Variants in RUBCNL observed in about 807,000 individuals in gnomAD.
The protein encoded by RUBCNL is rubicon like autophagy enhancer.
RUBCNL carries 62 observed loss-of-function variants against 69.5 expected under a neutral mutation model. The observed-to-expected ratio is 0.89, with a 90% CI of 0.73 to 1.10. The LOEUF (loss-of-function observed/expected upper bound fraction) is 1.10, where lower values mean the gene tolerates loss of function less well. Among genes scored for constraint, RUBCNL ranks in the 50% least tolerant of loss-of-function variants. RUBCNL has a pLI of 0.00. For synonymous variants in RUBCNL, 291 were observed against 303.6 expected, an observed-to-expected ratio of 0.96 and a Z score of 0.43; for missense variants, 768 against 798.1, an observed-to-expected ratio of 0.96 and a Z score of 0.45.
intron 9 of RUBCNL, 50 bp from the exon 10 acceptor site, chr13:46,356,546 C>T (rs1302190238): frequency 6.7e-7 from 1 of 1,489,442 alleles, no homozygotes; most frequent in Non-Finnish European, 9.3e-7. Flanking sequence ...GCCAATGGCA[C>T]ATTTTTCACT....
chr13:46,368,342 T>G, intron 4 of RUBCNL, 93 bp from the exon 5 acceptor site: 1 of 1,435,402 alleles, frequency 7.0e-7, no homozygotes, highest in South Asian at 1.3e-5. Context: ...TCTATTTAAG[T>G]GGAATTAATG....
chr13:46,359,007 G>A (rs917645285), intron 9 of RUBCNL, among the ~76,000 whole-genome samples: 4 of 152,036 alleles, frequency 2.6e-5, no homozygotes, highest in African/African-American at 9.7e-5. Context: ...GGCTGAGCGA[G>A]GTGGCTCACA....
chr13:46,360,068 A>T (rs2048577428), intron 8 of RUBCNL, among the ~76,000 whole-genome samples: 1 of 152,164 alleles, frequency 6.6e-6, no homozygotes. Context: ...CCGCTGAACC[A>T]CTGGACTTTC....
chr13:46,377,233 G>A (rs945345681), intron 2 of RUBCNL, among the ~76,000 whole-genome samples: 1 of 152,164 alleles, frequency 6.6e-6, no homozygotes, highest in African/African-American at 2.4e-5. Flanking sequence ...GTCTCAAATG[G>A]TAAAGCAGTA....
intron 9 of RUBCNL, among the ~76,000 whole-genome samples, chr13:46,358,390 T>A (rs1382984311): frequency 6.6e-6 from 1 of 152,220 alleles, no homozygotes; most frequent in East Asian, 1.9e-4. Flanking sequence ...TTGTGTATAA[T>A]CTTTGATCAT....
intron 10 of RUBCNL, among the ~76,000 whole-genome samples, chr13:46,354,585 T>C (rs2048442385): frequency 6.6e-6 from 1 of 152,220 alleles, no homozygotes; most frequent in African/African-American, 2.4e-5. Context: ...ACAGGGTTTC[T>C]TTTACTTGCC....
At chr13:46,361,601 A>G in intron 7 of RUBCNL, 28 bp from the exon 8 acceptor site, 2 of 1,565,620 alleles carry the variant, frequency 1.3e-6, no homozygotes, top group Non-Finnish European at 1.7e-6. Flanking sequence ...CAAATACTGG[A>G]AAACTATATT....
Position 46,377,813 on chromosome 13 carries a change from A to T in RUBCNL, c.-123+77T>A, listed in dbSNP as rs796426816. On this transcript the variant is annotated intron_variant, in intron 2 of 14. Transcript: ENST00000429979. The stretch of plus-strand genomic sequence containing the variant: ...GCATTGAGAGTTAGAATAGGCCCAT[A>T]ATAGATTCACAACCATGTCTAAGGT... 4.1e-5 allele frequency: 33 copies of T among 802,020 alleles called. 1 individual carries two copies. In the African/African-American group the frequency reaches 5.4e-4, roughly 13 times the overall value. 49.7% of individuals were successfully genotyped at this position (802,020 alleles called of 1,614,324 possible).
intron 1 of RUBCNL, chr13:46,378,488 G>A (rs2049048485): frequency 6.5e-6 from 1 of 153,388 alleles, no homozygotes; most frequent in South Asian, 1.9e-4. Context: ...TTAAAAGGTA[G>A]GCACAGGCCA....
At chr13:46,374,882 CT>C (rs1049334809) in intron 2 of RUBCNL, among the ~76,000 whole-genome samples, 2 of 152,272 alleles carry the variant, frequency 1.3e-5, no homozygotes, top group Admixed American at 6.5e-5. Flanking sequence ...TGAAATGCTC[CT>C]CCCCCAGATG....
Position 46,342,531 on chromosome 13 carries a change from G to A in RUBCNL, c.*854C>T, listed in dbSNP as rs2048159990. 1 of 152,310 alleles carries A rather than the reference G, an allele frequency of 6.6e-6. No individual in the cohort carries two copies. Among genetic ancestry groups the A allele is most frequent in the South Asian group, 2.1e-4 (1 of 4,828 alleles). 9.4% of individuals were successfully genotyped at this position (152,310 alleles called of 1,614,324 possible). On this transcript the variant is annotated 3_prime_UTR_variant, in exon 15 of 15. Transcript: ENST00000429979. Reference sequence around the variant, plus strand: ...TTTTGTGATTCATTTAACCTTATTAGTCAATGTCTATGATTTTAATGTTAT... The same window carrying A: ...TTTTGTGATTCATTTAACCTTATTAATCAATGTCTATGATTTTAATGTTAT...
At chr13:46,346,958 T>C (rs1443130120) in intron 12 of RUBCNL, among the ~76,000 whole-genome samples, 2 of 152,216 alleles carry the variant, frequency 1.3e-5, no homozygotes, top group South Asian at 4.1e-4. Flanking sequence ...TACTGCCCTA[T>C]TACGAACACC....
Position 46,343,273 on chromosome 13 carries a change from T to A in RUBCNL, c.*112A>T. The A allele has an allele frequency of 6.7e-7, 1 of 1,498,426 alleles. No homozygotes were observed. The highest frequency in any genetic ancestry group is 9.1e-7 in the Non-Finnish European group (1 of 1,101,952). 92.8% of individuals were successfully genotyped at this position (1,498,426 alleles called of 1,614,324 possible). A position where few individuals can be genotyped will look rare whatever the true frequency, so the allele number is the denominator to read the frequency against. On this transcript the variant is annotated 3_prime_UTR_variant, in exon 15 of 15. Coordinates refer to ENST00000429979, the MANE Select transcript of RUBCNL (RefSeq NM_025113.5). ...TGCAATAAAGAGAATATAGACCATC[T>A]TTTTCCTTAATATACAATACCCAAT...
chr13:46,383,518 T>TACAC (rs147443161), intron 1 of RUBCNL, among the ~76,000 whole-genome samples: 10 of 151,978 alleles, frequency 6.6e-5, no homozygotes, highest in African/African-American at 1.2e-4. Context: ...CCAAATTTTC[T>TACAC]ACACACACAC....
rs898901037 is a variant in RUBCNL, at chr13:46,341,590, C to T, written c.*1795G>A. Among the ~76,000 whole-genome samples the T allele has an allele frequency of 2.6e-5, 4 of 152,216 alleles. No individual in the cohort carries two copies. Among genetic ancestry groups the T allele is most frequent in the Non-Finnish European group, 5.9e-5 (4 of 68,042 alleles). The stretch of plus-strand genomic sequence containing the variant: ...TGTAACACACACAGGCTCATCAGTG[C>T]CTTACAAACATACAAACCCTGAGCA... On this transcript the variant is annotated 3_prime_UTR_variant, in exon 15 of 15. Transcript: ENST00000429979.
chr13:46,366,696 G>A (rs567742134), intron 5 of RUBCNL, among the ~76,000 whole-genome samples: 1 of 152,206 alleles, frequency 6.6e-6, no homozygotes, highest in Non-Finnish European at 1.5e-5. Context: ...AGGAAGTCAA[G>A]AAGAAAAGCA....
intron 7 of RUBCNL, 22 bp downstream of exon 7, chr13:46,362,516 A>T (rs1275713662): frequency 1.3e-6 from 2 of 1,578,044 alleles, no homozygotes; most frequent in Admixed American, 1.7e-5. Context: ...GTCTATGTGC[A>T]CTGTGCACAG....
At chr13:46,354,011 G>T (rs780727095) in intron 10 of RUBCNL, among the ~76,000 whole-genome samples, 1 of 152,170 alleles carries the variant, frequency 6.6e-6, no homozygotes, top group African/African-American at 2.4e-5. Flanking sequence ...TATGAAATTT[G>T]ATTGCAACCT....
intron 1 of RUBCNL, among the ~76,000 whole-genome samples, chr13:46,379,598 T>C (rs2049074897): frequency 6.6e-6 from 1 of 152,198 alleles, no homozygotes; most frequent in Non-Finnish European, 1.5e-5. Flanking sequence ...TTAGAAATCA[T>C]GACCTAAATG....
Sources: allele counts gnomAD v4.1 joint callset (sites outside exome capture counted in the v4.1 genomes callset), GRCh38; gene constraint gnomAD v4.1.1; transcripts MANE v1.5; gene names NCBI Gene and HGNC (gene_info 2026-07-23, HGNC 2026-07-21).